Variants in TEX9 observed in about 807,000 individuals in gnomAD.
TEX9 encodes the protein testis-expressed protein 9.
Under a neutral mutation model 59.6 loss-of-function variants are expected in TEX9, and 74 were observed. That is an observed-to-expected ratio of 1.24 (90% CI 1.03 to 1.51). The LOEUF (loss-of-function observed/expected upper bound fraction) is 1.51. Ranked by LOEUF, TEX9 falls within the 40% of genes most tolerant of loss-of-function variation. The pLI, the probability that TEX9 is intolerant of heterozygous loss-of-function variation, is 0.00. For synonymous variants in TEX9, 186 were observed against 152.2 expected, an observed-to-expected ratio of 1.22 and a Z score of -1.64; for missense variants, 522 against 447.8, an observed-to-expected ratio of 1.17 and a Z score of -1.49.
At chr15:56,264,792 T>C (rs1487011891) in intron 1 of TEX9, among the ~76,000 whole-genome samples, 1 of 152,236 alleles carries the variant, frequency 6.6e-6, no homozygotes, top group Admixed American at 6.5e-5. Context: ...TTCTGAGGCA[T>C]GTGTTGAGAT....
intron 12 of TEX9, among the ~76,000 whole-genome samples, chr15:56,434,951 TAAGTC>T (rs2050694717): frequency 6.6e-6 from 1 of 152,116 alleles, no homozygotes. Flanking sequence ...TTGGAACAGT[TAAGTC>T]CTTTCCTATA....
intron 1 of TEX9, among the ~76,000 whole-genome samples, chr15:56,354,541 G>A (rs969374258): frequency 2.0e-5 from 3 of 152,136 alleles, no homozygotes; most frequent in Admixed American, 6.5e-5. Context: ...CATTACTGGA[G>A]ATAAAGAGAT....
intron 9 of TEX9, chr15:56,397,725 T>C (rs2142384780): frequency 6.6e-6 from 1 of 152,280 alleles, no homozygotes; most frequent in Non-Finnish European, 1.5e-5. Context: ...GGGAGGTCAT[T>C]GAATCACAGG....
intron 10 of TEX9, among the ~76,000 whole-genome samples, chr15:56,425,144 A>G (rs1186734041): frequency 6.6e-6 from 1 of 152,072 alleles, no homozygotes; most frequent in Non-Finnish European, 1.5e-5. Context: ...GTGATGAGCC[A>G]TTTTGTCTTG....
intron 1 of TEX9, among the ~76,000 whole-genome samples, chr15:56,331,081 G>A (rs2046129823): frequency 6.6e-6 from 1 of 152,074 alleles, no homozygotes; most frequent in Admixed American, 6.5e-5. Context: ...AAGATACAAG[G>A]GTCAATTCAG....
At chr15:56,271,386 C>T (rs1596056465) in intron 1 of TEX9, among the ~76,000 whole-genome samples, 1 of 152,120 alleles carries the variant, frequency 6.6e-6, no homozygotes, top group Admixed American at 6.5e-5. Flanking sequence ...TCATTAATTT[C>T]ATCTTGAATC....
intron 10 of TEX9, among the ~76,000 whole-genome samples, chr15:56,417,899 G>C (rs1312948504): frequency 2.6e-5 from 4 of 151,738 alleles, no homozygotes; most frequent in Non-Finnish European, 4.4e-5. Flanking sequence ...AGGCTAATTA[G>C]GTCTTACTGA....
intron 10 of TEX9, among the ~76,000 whole-genome samples, chr15:56,415,997 G>A (rs2049665852): frequency 6.6e-6 from 1 of 151,616 alleles, no homozygotes; most frequent in African/African-American, 2.4e-5. Context: ...AGTGGGGATG[G>A]GATTGCTTTT....
chr15:56,250,049 G>A (rs1464270816), intron 1 of TEX9, among the ~76,000 whole-genome samples: 2 of 152,108 alleles, frequency 1.3e-5, no homozygotes, highest in Non-Finnish European at 2.9e-5. Flanking sequence ...AGGAAGAGAG[G>A]AAAGCCCAGT....
chr15:56,333,199 C>T (rs1379045714), intron 1 of TEX9, among the ~76,000 whole-genome samples: 1 of 151,990 alleles, frequency 6.6e-6, no homozygotes, highest in East Asian at 1.9e-4. Flanking sequence ...CAAAACCAGA[C>T]AAAGACACAT....
chr15:56,431,695 C>T (rs958419277), intron 12 of TEX9, among the ~76,000 whole-genome samples: 3 of 151,686 alleles, frequency 2.0e-5, no homozygotes, highest in Non-Finnish European at 2.9e-5. Flanking sequence ...TTTTTACTGT[C>T]ATTATTCCTT....
chr15:56,443,487 T>G (rs776386295), intron 12 of TEX9: 1 of 1,600,614 alleles, frequency 6.2e-7, no homozygotes, highest in Non-Finnish European at 8.5e-7. Context: ...CTTGTCGCAC[T>G]TGTTCCAAAT....
chr15:56,268,248 T>C (rs1460547616), intron 1 of TEX9, among the ~76,000 whole-genome samples: 5 of 152,226 alleles, frequency 3.3e-5, no homozygotes, highest in African/African-American at 9.6e-5. Flanking sequence ...ATTTTCTAAA[T>C]ATACAATCAT....
intron 1 of TEX9, among the ~76,000 whole-genome samples, chr15:56,339,889 G>A (rs933131433): frequency 3.9e-5 from 6 of 152,016 alleles, no homozygotes; most frequent in Non-Finnish European, 5.9e-5. Context: ...GCGCTCACCA[G>A]ATACTGAATC....
the TEX9 span, among the ~76,000 whole-genome samples, chr15:56,451,146 G>A: frequency 6.6e-6 from 1 of 152,138 alleles, no homozygotes; most frequent in Admixed American, 6.5e-5. Flanking sequence ...GATACAATTT[G>A]TTCTTCTGGC....
the TEX9 span, among the ~76,000 whole-genome samples, chr15:56,454,447 C>G: frequency 2.0e-5 from 3 of 152,100 alleles, no homozygotes; most frequent in Non-Finnish European, 4.4e-5. Flanking sequence ...AGGTCCTACT[C>G]ATTCATTCTA....
At chr15:56,302,433 A>G (rs1434311248) in intron 1 of TEX9, among the ~76,000 whole-genome samples, 1 of 152,022 alleles carries the variant, frequency 6.6e-6, no homozygotes, top group African/African-American at 2.4e-5. Context: ...AGGTGGGAGG[A>G]TCACTTGAGC....
intron 1 of TEX9, among the ~76,000 whole-genome samples, chr15:56,305,379 A>G (rs1218747631): frequency 6.6e-6 from 1 of 152,198 alleles, no homozygotes; most frequent in East Asian, 1.9e-4. Flanking sequence ...TTCAAATTAT[A>G]TTACAGAGCT....
intron 12 of TEX9, among the ~76,000 whole-genome samples, chr15:56,445,431 T>C (rs1386835595): frequency 6.6e-6 from 1 of 152,056 alleles, no homozygotes; most frequent in East Asian, 1.9e-4. Context: ...TCCCGAATGA[T>C]GGAATGGTCA....
Sources: gnomAD v4.1 joint callset for allele counts (sites outside exome capture counted in the v4.1 genomes callset) on GRCh38, gnomAD v4.1.1 for gene constraint, MANE v1.5 for transcripts, NCBI Gene and HGNC (gene_info 2026-07-23, HGNC 2026-07-21) for gene names.